PAN3: variants seen among roughly 807,000 people sequenced by gnomAD.
PAN3 encodes the protein poly(A) specific ribonuclease subunit PAN3.
In PAN3, 19 loss-of-function variants were observed where a neutral mutation model predicts 96.2. The ratio of observed to expected loss-of-function variants is 0.20; its 90% CI spans 0.14 to 0.29. The LOEUF is 0.29. PAN3 is among the 10% of genes least tolerant of loss of function. PAN3 has a pLI of 1.00. For missense variants in PAN3, 882 were observed against 1,108.1 expected, an observed-to-expected ratio of 0.80 and a Z score of 2.90; for synonymous variants, 433 against 406.6, an observed-to-expected ratio of 1.06 and a Z score of -0.78.
intron 6 of PAN3, among the ~76,000 whole-genome samples, chr13:28,222,281 A>G (rs1040325749): frequency 1.3e-5 from 2 of 152,138 alleles, no homozygotes; most frequent in Non-Finnish European, 2.9e-5. Flanking sequence ...GGACCTCACA[A>G]TAGAAACTTA....
intron 4 of PAN3, among the ~76,000 whole-genome samples, chr13:28,179,279 C>T (rs1875454671): frequency 6.6e-6 from 1 of 152,178 alleles, no homozygotes; most frequent in African/African-American, 2.4e-5. Context: ...TAGACAAAGC[C>T]TAACAATGTG....
At chr13:28,193,747 A>AC (rs1877591714) in intron 4 of PAN3, among the ~76,000 whole-genome samples, 1 of 149,776 alleles carries the variant, frequency 6.7e-6, no homozygotes, top group African/African-American at 2.5e-5. Flanking sequence ...AAAAAAAAAA[A>AC]AAAAAAAAAC....
rs761044508 is a variant in PAN3 at position 28,176,484 on chromosome 13, G to GT, written c.553-4dup. ...CAGTGATGTTATAAATAAATATTTT[G>GT]TTTTTCAGAGAATGACTAATAGTAG... On this transcript the variant is annotated splice_polypyrimidine_tract_variant and intron_variant, in intron 2 of 18. Coordinates refer to ENST00000380958, the MANE Select transcript of PAN3 (RefSeq NM_175854.8). 2.0e-5 allele frequency: 32 copies of GT among 1,610,478 alleles called. No individual in the cohort carries two copies. Among genetic ancestry groups the GT allele is most frequent in the Non-Finnish European group, 2.7e-5 (32 of 1,176,902 alleles).
chr13:28,139,230 C>A, intron 1 of PAN3, 143 bp downstream of exon 1: 1 of 963,036 alleles, frequency 1.0e-6, no homozygotes, highest in African/African-American at 1.7e-5. Context: ...CTAGGCCGGG[C>A]CTGAGCCCTC....
At chr13:28,176,003 G>A (rs1874925924) in intron 2 of PAN3, among the ~76,000 whole-genome samples, 1 of 152,164 alleles carries the variant, frequency 6.6e-6, no homozygotes, top group Non-Finnish European at 1.5e-5. Flanking sequence ...CTTACAGGAT[G>A]GAGAGACCAT....
chr13:28,146,651 A>G (rs1870695916), intron 1 of PAN3, among the ~76,000 whole-genome samples: 1 of 152,134 alleles, frequency 6.6e-6, no homozygotes, highest in Non-Finnish European at 1.5e-5. Flanking sequence ...TACTTTAGGC[A>G]GTGGTATACA....
At position 28,266,564 on chromosome 13, in the gene PAN3, T is replaced by C. The variant is rs574596270; in HGVS notation, c.1412-151T>C. 107 of 510,144 alleles carry C rather than the reference T, an allele frequency of 2.1e-4. No homozygotes were observed. The South Asian group carries it at 6.6e-3, about 31-fold the overall frequency. The allele number at this position is 510,144 out of a possible 1,614,324, so 31.6% of individuals were successfully genotyped here. ...TTGATACTGAAGCTAGTTTGTCTTATGGAATTGTAATAAATGTTTACACTA... is the reference window on the plus strand; with the variant it reads ...TTGATACTGAAGCTAGTTTGTCTTACGGAATTGTAATAAATGTTTACACTA... On this transcript the variant is annotated intron_variant, in intron 9 of 18. Coordinates refer to ENST00000380958, the MANE Select transcript of PAN3 (RefSeq NM_175854.8).
chr13:28,194,458 ATATATATATTT>A (rs1877738947), intron 4 of PAN3, among the ~76,000 whole-genome samples: 1 of 101,666 alleles, frequency 9.8e-6, no homozygotes, highest in African/African-American at 5.2e-5. Flanking sequence ...ATGTATATAT[ATATATATATTT>A]TTTTTTTTTT....
At chr13:28,220,089 A>C in intron 5 of PAN3, 142 bp from the exon 6 acceptor site, 2 of 782,408 alleles carry the variant, frequency 2.6e-6, no homozygotes, top group Non-Finnish European at 3.8e-6. Flanking sequence ...GACACACCAA[A>C]ATATGGAACC....
At chr13:28,248,788 G>T (rs902105732) in intron 6 of PAN3, among the ~76,000 whole-genome samples, 1 of 152,194 alleles carries the variant, frequency 6.6e-6, no homozygotes, top group African/African-American at 2.4e-5. Context: ...CTCTCAAAGT[G>T]CTGGGCCAGA....
intron 5 of PAN3, chr13:28,215,026 T>G: frequency 8.4e-7 from 1 of 1,193,666 alleles, no homozygotes; most frequent in Non-Finnish European, 1.2e-6. Context: ...GAGGAAATCA[T>G]TAAGGAAGTC....
intron 2 of PAN3, among the ~76,000 whole-genome samples, chr13:28,174,892 C>G (rs1230890942): frequency 6.6e-6 from 1 of 152,040 alleles, no homozygotes; most frequent in African/African-American, 2.4e-5. Context: ...TTGTTTAATG[C>G]TTAAAATGTT....
intron 15 of PAN3, among the ~76,000 whole-genome samples, chr13:28,279,770 ATTCT>A (rs547848020): frequency 1.3e-4 from 19 of 151,228 alleles, no homozygotes; most frequent in Non-Finnish European, 1.9e-4. Flanking sequence ...AAAAAAAAAA[ATTCT>A]TTCTATTAAT....
intron 1 of PAN3, among the ~76,000 whole-genome samples, chr13:28,163,932 C>T (rs567503037): frequency 3.3e-5 from 5 of 152,116 alleles, no homozygotes; most frequent in African/African-American, 7.2e-5. Context: ...ACTAATTAAA[C>T]GAAAAGTTTT....
chr13:28,187,110 C>G (rs999979055), intron 4 of PAN3, among the ~76,000 whole-genome samples: 18 of 151,580 alleles, frequency 1.2e-4, no homozygotes, highest in Middle Eastern at 3.4e-3. Context: ...GTGGATAACT[C>G]GAGTCCAGGA....
chr13:28,152,727 G>A (rs569503964), intron 1 of PAN3, among the ~76,000 whole-genome samples: 3 of 151,478 alleles, frequency 2.0e-5, no homozygotes, highest in Non-Finnish European at 4.4e-5. Context: ...TAAATGTCCC[G>A]TTTGAAAAAA....
At chr13:28,277,766 C>T (rs1192628716) in intron 15 of PAN3, among the ~76,000 whole-genome samples, 2 of 152,190 alleles carry the variant, frequency 1.3e-5, no homozygotes, top group South Asian at 2.1e-4. Flanking sequence ...GAATATTTCC[C>T]TCATCTTGGA....
At chr13:28,270,174 T>C (rs1053538612) in intron 12 of PAN3, among the ~76,000 whole-genome samples, 1 of 152,216 alleles carries the variant, frequency 6.6e-6, no homozygotes, top group Non-Finnish European at 1.5e-5. Context: ...CTAGAAAATA[T>C]TATCAAAAAC....
chr13:28,186,594 A>G (rs1413623720), intron 4 of PAN3, among the ~76,000 whole-genome samples: 1 of 152,200 alleles, frequency 6.6e-6, no homozygotes, highest in Admixed American at 6.5e-5. Flanking sequence ...ATTATTTACC[A>G]TCTTTGTTTA....
Sources: allele counts gnomAD v4.1 joint callset (sites outside exome capture counted in the v4.1 genomes callset), GRCh38; gene constraint gnomAD v4.1.1; transcripts MANE v1.5; gene names NCBI Gene and HGNC (gene_info 2026-07-23, HGNC 2026-07-21).